CEP63: variants seen among roughly 807,000 people sequenced by gnomAD.
The protein encoded by CEP63 is centrosomal protein of 63 kDa.
A neutral mutation model predicts 89.1 loss-of-function variants in CEP63; 84 were observed. The observed-to-expected ratio is 0.94, with a 90% confidence interval of 0.79 to 1.13. The LOEUF is 1.13. Among genes scored for constraint, CEP63 ranks in the 50% most tolerant of loss-of-function variants. The pLI is 0.00. For synonymous variants in CEP63, 267 were observed against 272.5 expected (o/e 0.98, Z 0.20); for missense variants, 838 against 813.3 (o/e 1.03, Z -0.37).
At chr3:134,610,297 T>C in the CEP63 span, 1 of 1,613,616 alleles carries the variant, frequency 6.2e-7, no homozygotes, top group South Asian at 1.1e-5. Flanking sequence ...CCAGGCATGG[T>C]CAAACTCCCC....
At position 134,559,133 on chromosome 3, in the gene CEP63, T is replaced by C. The variant is rs1956848055; in HGVS notation, c.1674-17T>C. ...CTACAATTTTTTATTTGTTTTGTTTTCTAATCTACCATCCAGGCCAACCCA... is the reference window on the plus strand; with the variant it reads ...CTACAATTTTTTATTTGTTTTGTTTCCTAATCTACCATCCAGGCCAACCCA... On this transcript the variant is annotated splice_polypyrimidine_tract_variant and intron_variant, in intron 13 of 14. Coordinates refer to ENST00000675561, the MANE Select transcript of CEP63 (RefSeq NM_001353108.3). 6.2e-7 allele frequency: 1 copy of C among 1,612,784 alleles called. No individual in the cohort carries two copies. Among genetic ancestry groups the C allele is most frequent in the Non-Finnish European group, 8.5e-7 (1 of 1,179,642 alleles).
At chr3:134,510,174 A>G (rs573079633) in intron 3 of CEP63, among the ~76,000 whole-genome samples, 31 of 152,308 alleles carry the variant, frequency 2.0e-4, no homozygotes, top group African/African-American at 7.0e-4. Flanking sequence ...GGAGCAAACC[A>G]CTGTTTTCTT....
chr3:134,691,599 C>CAG, the CEP63 span, among the ~76,000 whole-genome samples: 2 of 151,540 alleles, frequency 1.3e-5, no homozygotes, highest in East Asian at 3.9e-4. Context: ...GCCTGGGTGA[C>CAG]AGAGAGAGAT....
chr3:134,693,214 G>C, the CEP63 span, among the ~76,000 whole-genome samples: 1 of 152,166 alleles, frequency 6.6e-6, no homozygotes, highest in Non-Finnish European at 1.5e-5. Context: ...AGCTCATTTA[G>C]AATAGAATGC....
the CEP63 span, among the ~76,000 whole-genome samples, chr3:134,712,269 A>AT: frequency 6.6e-6 from 1 of 151,894 alleles, no homozygotes; most frequent in African/African-American, 2.4e-5. Flanking sequence ...ATATCCTTGT[A>AT]TTTTTTATTT....
chr3:134,637,622 C>G, the CEP63 span, among the ~76,000 whole-genome samples: 1 of 152,224 alleles, frequency 6.6e-6, no homozygotes, highest in Admixed American at 6.5e-5. Context: ...CAACAAATCT[C>G]TTCCCCAAAC....
At chr3:134,666,798 C>T in the CEP63 span, among the ~76,000 whole-genome samples, 2 of 152,192 alleles carry the variant, frequency 1.3e-5, no homozygotes, top group Non-Finnish European at 2.9e-5. Context: ...CCTATCAGTT[C>T]ATTTCATTCT....
chr3:134,498,697 T>C (rs1447820818), intron 2 of CEP63, among the ~76,000 whole-genome samples: 2 of 152,144 alleles, frequency 1.3e-5, no homozygotes, highest in Non-Finnish European at 2.9e-5. Flanking sequence ...GGGAGCTGTC[T>C]TATATGGCCT....
the CEP63 span, among the ~76,000 whole-genome samples, chr3:134,681,998 G>A: frequency 6.6e-6 from 1 of 152,214 alleles, no homozygotes; most frequent in African/African-American, 2.4e-5. Context: ...TGAAGAGTTT[G>A]TGCCTCTGGA....
At chr3:134,613,893 T>C in the CEP63 span, among the ~76,000 whole-genome samples, 3 of 152,180 alleles carry the variant, frequency 2.0e-5, no homozygotes, top group Non-Finnish European at 4.4e-5. Context: ...GAACCACAAC[T>C]CTTTCATGTC....
At chr3:134,681,243 T>A in the CEP63 span, among the ~76,000 whole-genome samples, 1 of 152,176 alleles carries the variant, frequency 6.6e-6, no homozygotes, top group Non-Finnish European at 1.5e-5. Context: ...GTCACTTTAC[T>A]CGGTGGCATA....
At chr3:134,775,498 A>AT in the CEP63 span, among the ~76,000 whole-genome samples, 13 of 152,176 alleles carry the variant, frequency 8.5e-5, no homozygotes, top group African/African-American at 3.1e-4. Flanking sequence ...ATTTGGCCAA[A>AT]GGCAATTCTC....
At chr3:134,618,669 C>G in the CEP63 span, among the ~76,000 whole-genome samples, 15 of 152,172 alleles carry the variant, frequency 9.9e-5, no homozygotes, top group Non-Finnish European at 1.5e-4. Context: ...AAATGGAGCC[C>G]AGCGACTCCA....
the CEP63 span, among the ~76,000 whole-genome samples, chr3:134,622,118 T>C: frequency 1.3e-5 from 2 of 152,246 alleles, no homozygotes; most frequent in Admixed American, 1.3e-4. Flanking sequence ...CTAGTGGGAA[T>C]GTAAAATTGT....
intron 9 of CEP63, 132 bp downstream of exon 9, chr3:134,547,604 G>GGTTTTTTTTTTTT: frequency 1.7e-5 from 3 of 179,000 alleles, no homozygotes; most frequent in Non-Finnish European, 2.8e-5. Context: ...AATGGCCTAA[G>GGTTTTTTTTTTTT]TTCTTATTTC....
chr3:134,647,055 T>C, the CEP63 span, among the ~76,000 whole-genome samples: 4 of 152,242 alleles, frequency 2.6e-5, no homozygotes, highest in Middle Eastern at 3.2e-3. Context: ...CAAGTCATAC[T>C]GTCCCAAGGC....
the CEP63 span, among the ~76,000 whole-genome samples, chr3:134,674,190 T>C: frequency 2.0e-5 from 3 of 152,134 alleles, no homozygotes; most frequent in African/African-American, 7.2e-5. Context: ...GAGTCTGTCA[T>C]CAACAAAATA....
intron 2 of CEP63, among the ~76,000 whole-genome samples, chr3:134,501,777 T>C (rs866231791): frequency 1.3e-4 from 20 of 152,322 alleles, no homozygotes; most frequent in African/African-American, 4.1e-4. Context: ...TCAGCAAAGA[T>C]AGATAATTTG....
rs1483849385 is a variant in CEP63 at position 134,537,934 on chromosome 3, C to T, written c.555+666C>T. ...TTGATAGAAACTTTTCTTGTAATGG[C>T]TTAAGCAAAACCAAAAAACAGACAC... On this transcript the variant is annotated intron_variant, in intron 6 of 14. Transcript: ENST00000675561. Among the ~76,000 whole-genome samples the T allele has an allele frequency of 2.6e-4, 39 of 152,106 alleles. 1 individual carries two copies. Among genetic ancestry groups the T allele is most frequent in the Admixed American group, 2.6e-3 (39 of 15,272 alleles).
Sources: gnomAD v4.1 joint callset for allele counts (sites outside exome capture counted in the v4.1 genomes callset) on GRCh38, gnomAD v4.1.1 for gene constraint, MANE v1.5 for transcripts, NCBI Gene and HGNC (gene_info 2026-07-23, HGNC 2026-07-21) for gene names.